CLSTN2: variants seen among roughly 807,000 people sequenced by gnomAD.
CLSTN2 encodes the protein calsyntenin 2.
Under a neutral mutation model 101.2 loss-of-function variants are expected in CLSTN2, and 48 were observed. The observed-to-expected ratio is 0.47, with a 90% CI of 0.38 to 0.60. CLSTN2 has a LOEUF of 0.60. Ranked by LOEUF, CLSTN2 falls within the 20% of genes least tolerant of loss-of-function variation. The probability of loss-of-function intolerance (pLI) is 0.00; values close to 1 mark genes in which losing one functional copy is unlikely to be tolerated. For missense variants in CLSTN2, 1,160 were observed against 1,238.2 expected (o/e 0.94, Z 0.95); for synonymous variants, 481 against 463.6 (o/e 1.04, Z -0.48).
intron 1 of CLSTN2, among the ~76,000 whole-genome samples, chr3:140,117,908 C>T (rs149216663): frequency 3.0e-4 from 45 of 152,292 alleles, no homozygotes; most frequent in African/African-American, 1.0e-3. Flanking sequence ...ATCAGGATGC[C>T]CTGCTGCTAA....
chr3:140,525,806 A>T (rs888708149), intron 8 of CLSTN2, among the ~76,000 whole-genome samples: 1 of 152,194 alleles, frequency 6.6e-6, no homozygotes, highest in Admixed American at 6.5e-5. Context: ...TCACCATGTG[A>T]ACAGAATCAA....
At chr3:140,518,164 C>T (rs565570833) in intron 8 of CLSTN2, among the ~76,000 whole-genome samples, 2 of 152,132 alleles carry the variant, frequency 1.3e-5, no homozygotes, top group African/African-American at 2.4e-5. Flanking sequence ...CCAACAGCAC[C>T]GAGTTTATTT....
chr3:139,941,251 A>C (rs796187514), intron 1 of CLSTN2, among the ~76,000 whole-genome samples: 9 of 152,188 alleles, frequency 5.9e-5, no homozygotes, highest in African/African-American at 2.2e-4. Context: ...TGAGCTGAAG[A>C]TCCTGGCACT....
At chr3:140,230,994 C>T (rs575126573) in intron 2 of CLSTN2, among the ~76,000 whole-genome samples, 20 of 152,180 alleles carry the variant, frequency 1.3e-4, no homozygotes, top group Admixed American at 5.2e-4. Flanking sequence ...TAAAAGGTCT[C>T]AAACTTGGTT....
chr3:140,133,251 G>A (rs1246736960), intron 1 of CLSTN2, among the ~76,000 whole-genome samples: 2 of 152,296 alleles, frequency 1.3e-5, no homozygotes, highest in Admixed American at 1.3e-4. Flanking sequence ...TTACCATGTA[G>A]AGGGGACCAA....
chr3:140,346,851 G>T (rs1014339424), intron 2 of CLSTN2, among the ~76,000 whole-genome samples: 1 of 152,072 alleles, frequency 6.6e-6, no homozygotes, highest in African/African-American at 2.4e-5. Flanking sequence ...TCCAGAGTCT[G>T]GAATAATGGT....
chr3:140,319,445 G>A lies in CLSTN2; in HGVS notation c.233-84184G>A, dbSNP rs938794752. Among the ~76,000 whole-genome samples the A allele has an allele frequency of 5.3e-5, 8 of 152,204 alleles. No homozygotes were observed. The East Asian group carries it at 1.2e-3, about 22-fold the overall frequency. Reference sequence around the variant, plus strand: ...CAATTCCTCTGGCCCTGGCACATGTGTCCTTAACCTCAGTCTGTCTGAGCC... The same window carrying A: ...CAATTCCTCTGGCCCTGGCACATGTATCCTTAACCTCAGTCTGTCTGAGCC... On this transcript the variant is annotated intron_variant, in intron 2 of 16. Transcript: ENST00000458420.
intron 1 of CLSTN2, among the ~76,000 whole-genome samples, chr3:139,953,208 T>A (rs1359070891): frequency 6.6e-6 from 1 of 152,174 alleles, no homozygotes; most frequent in East Asian, 1.9e-4. Context: ...GACTAGATAG[T>A]CTCTATCATA....
At chr3:139,971,600 G>A (rs1560057909) in intron 1 of CLSTN2, among the ~76,000 whole-genome samples, 1 of 152,200 alleles carries the variant, frequency 6.6e-6, no homozygotes, top group South Asian at 2.1e-4. Flanking sequence ...CAGTTGTTAA[G>A]CATGGAATGA....
At chr3:140,365,778 A>G (rs1351179412) in intron 2 of CLSTN2, among the ~76,000 whole-genome samples, 1 of 152,244 alleles carries the variant, frequency 6.6e-6, no homozygotes, top group Non-Finnish European at 1.5e-5. Context: ...CTTTGGAGAT[A>G]GATGGGGCAG....
At chr3:140,394,492 C>A (rs1159921880) in intron 2 of CLSTN2, among the ~76,000 whole-genome samples, 1 of 152,218 alleles carries the variant, frequency 6.6e-6, no homozygotes, top group Non-Finnish European at 1.5e-5. Context: ...AGCTACAGCA[C>A]TTCTCTGGTG....
At chr3:140,101,881 G>A (rs2008971910) in intron 1 of CLSTN2, among the ~76,000 whole-genome samples, 1 of 152,204 alleles carries the variant, frequency 6.6e-6, no homozygotes, top group African/African-American at 2.4e-5. Context: ...CCGCTGGCCA[G>A]AACTAGTCAT....
At chr3:140,456,841 G>A (rs1933412846) in intron 6 of CLSTN2, among the ~76,000 whole-genome samples, 1 of 151,882 alleles carries the variant, frequency 6.6e-6, no homozygotes, top group Non-Finnish European at 1.5e-5. Flanking sequence ...CATAAATATT[G>A]GATATATCTA....
At chr3:140,300,802 C>T (rs550771884) in intron 2 of CLSTN2, among the ~76,000 whole-genome samples, 7 of 143,808 alleles carry the variant, frequency 4.9e-5, no homozygotes, top group Admixed American at 1.4e-4. Context: ...TACCAGTAGG[C>T]GATATATATA....
intron 1 of CLSTN2, among the ~76,000 whole-genome samples, chr3:140,054,961 A>T (rs1250949621): frequency 6.6e-6 from 1 of 152,154 alleles, no homozygotes; most frequent in Non-Finnish European, 1.5e-5. Flanking sequence ...CAGAAACCTG[A>T]CTATTTATGG....
intron 8 of CLSTN2, among the ~76,000 whole-genome samples, chr3:140,492,855 G>C (rs989296537): frequency 6.6e-6 from 1 of 152,154 alleles, no homozygotes; most frequent in Non-Finnish European, 1.5e-5. Flanking sequence ...ACAGGGATGA[G>C]AAGAGCTCCA....
chr3:140,116,674 T>C (rs1367684073), intron 1 of CLSTN2, among the ~76,000 whole-genome samples: 1 of 152,176 alleles, frequency 6.6e-6, no homozygotes, highest in Non-Finnish European at 1.5e-5. Flanking sequence ...CCCAGCCCTC[T>C]ATGATTGAGT....
intron 1 of CLSTN2, among the ~76,000 whole-genome samples, chr3:140,161,280 G>A (rs2010042669): frequency 6.6e-6 from 1 of 152,186 alleles, no homozygotes; most frequent in Non-Finnish European, 1.5e-5. Flanking sequence ...GAGTCCAAAT[G>A]TATTTCAGAA....
chr3:140,403,349 A>G (rs887050273), intron 2 of CLSTN2, among the ~76,000 whole-genome samples: 7 of 152,162 alleles, frequency 4.6e-5, no homozygotes, highest in Non-Finnish European at 2.9e-5. Flanking sequence ...GGAGTAAAGG[A>G]AAGAGGAAAG....
Sources: gnomAD v4.1 joint callset for allele counts (sites outside exome capture counted in the v4.1 genomes callset) on GRCh38, gnomAD v4.1.1 for gene constraint, MANE v1.5 for transcripts, NCBI Gene and HGNC (gene_info 2026-07-23, HGNC 2026-07-21) for gene names.